The following FBXL13 variants were observed in gnomAD, a reference collection of about 807,000 sequenced individuals.
FBXL13 encodes the protein F-box and leucine-rich repeat protein 13.
Under a neutral mutation model 83.6 loss-of-function variants are expected in FBXL13, and 67 were observed. That is an observed-to-expected ratio of 0.80 (90% CI 0.66 to 0.98). FBXL13 has a LOEUF of 0.98. Ranked by LOEUF, FBXL13 falls within the 50% of genes least tolerant of loss-of-function variation. FBXL13 has a pLI of 0.00. For missense variants in FBXL13, 822 were observed against 866.5 expected (o/e 0.95, Z 0.64); for synonymous variants, 272 against 299.5 (o/e 0.91, Z 0.95).
intron 17 of FBXL13, among the ~76,000 whole-genome samples, chr7:102,845,709 G>A (rs1342401740): frequency 1.3e-5 from 2 of 152,100 alleles, no homozygotes; most frequent in Non-Finnish European, 2.9e-5. Flanking sequence ...TGTTCAGGTT[G>A]CTATCCTGTC....
chr7:103,014,609 T>A (rs1461951429), intron 6 of FBXL13, among the ~76,000 whole-genome samples: 1 of 151,996 alleles, frequency 6.6e-6, no homozygotes, highest in South Asian at 2.1e-4. Flanking sequence ...TGAATATGGA[T>A]GCAAAAATCC....
At chr7:102,975,441 G>A (rs1827302053) in intron 6 of FBXL13, among the ~76,000 whole-genome samples, 1 of 152,158 alleles carries the variant, frequency 6.6e-6, no homozygotes. Context: ...CTCCTGCTCA[G>A]CCTACTGGTG....
chr7:103,040,953 G>T (rs1228787959), intron 2 of FBXL13, among the ~76,000 whole-genome samples: 2 of 152,146 alleles, frequency 1.3e-5, no homozygotes, highest in Admixed American at 1.3e-4. Context: ...TCAAAAGCTA[G>T]CAGAAGGCAA....
intron 6 of FBXL13, among the ~76,000 whole-genome samples, chr7:103,014,902 C>T (rs1163271091): frequency 8.5e-5 from 10 of 117,100 alleles, no homozygotes; most frequent in South Asian, 2.8e-4. Context: ...CCAGCCTGGG[C>T]GACAGGGAGA....
At chr7:102,850,998 A>C (rs1324464783) in intron 17 of FBXL13, among the ~76,000 whole-genome samples, 3 of 152,202 alleles carry the variant, frequency 2.0e-5, no homozygotes, top group Non-Finnish European at 4.4e-5. Context: ...AAGCTGTCAA[A>C]CAACCATTCA....
chr7:103,009,426 A>G (rs1791350290), intron 6 of FBXL13, among the ~76,000 whole-genome samples: 1 of 152,224 alleles, frequency 6.6e-6, no homozygotes, highest in South Asian at 2.1e-4. Context: ...CCACTACATG[A>G]GAAAGGGGGA....
chr7:102,955,458 C>A (rs553410446), intron 8 of FBXL13, among the ~76,000 whole-genome samples: 106 of 151,618 alleles, frequency 7.0e-4, no homozygotes, highest in African/African-American at 2.4e-3. Context: ...AAATCGACAC[C>A]CTAACATCAC....
intron 1 of FBXL13, among the ~76,000 whole-genome samples, chr7:103,065,738 G>A (rs1308927089): frequency 2.0e-5 from 3 of 152,224 alleles, no homozygotes; most frequent in Admixed American, 6.5e-5. Context: ...AGAATGTGGA[G>A]TGTGGCTGAG....
chr7:103,015,539 G>A (rs911866174), intron 6 of FBXL13, among the ~76,000 whole-genome samples: 39 of 152,000 alleles, frequency 2.6e-4, no homozygotes, highest in Admixed American at 4.6e-4. Flanking sequence ...GGCTCATGGC[G>A]GTAATCCCAG....
At chr7:102,891,680 T>A (rs1219352322) in intron 11 of FBXL13, among the ~76,000 whole-genome samples, 1 of 152,156 alleles carries the variant, frequency 6.6e-6, no homozygotes, top group African/African-American at 2.4e-5. Context: ...AAAAATTAAT[T>A]TTCCAGTGTG....
intron 2 of FBXL13, 32 bp downstream of exon 3, chr7:103,055,056 A>G (rs1302457721): frequency 2.6e-6 from 3 of 1,160,262 alleles, no homozygotes; most frequent in Admixed American, 2.4e-5. Flanking sequence ...TTTAAAATAT[A>G]TATTTGCGTA....
chr7:102,866,098 C>T (rs1807605963), intron 16 of FBXL13, among the ~76,000 whole-genome samples: 4 of 152,140 alleles, frequency 2.6e-5, no homozygotes, highest in African/African-American at 9.7e-5. Flanking sequence ...GCTTTGATCA[C>T]CACACAGACA....
intron 11 of FBXL13, among the ~76,000 whole-genome samples, chr7:102,910,287 T>G (rs529361066): frequency 3.9e-5 from 6 of 152,294 alleles, no homozygotes; most frequent in African/African-American, 1.4e-4. Context: ...ATTGTTTCTA[T>G]CTCTTCAATG....
intron 6 of FBXL13, among the ~76,000 whole-genome samples, chr7:102,977,941 C>A (rs1827707103): frequency 6.6e-6 from 1 of 151,722 alleles, no homozygotes; most frequent in African/African-American, 2.4e-5. Flanking sequence ...ACACCGGGGC[C>A]TGTTGTGGGG....
chr7:103,071,600 G>A (rs1798967718), intron 1 of FBXL13, among the ~76,000 whole-genome samples: 1 of 131,780 alleles, frequency 7.6e-6, no homozygotes, highest in Non-Finnish European at 1.6e-5. Context: ...GTCTCACTAT[G>A]TTACCGAGGC....
chr7:102,928,784 TATA>T (rs1563105285), intron 9 of FBXL13, among the ~76,000 whole-genome samples: 2 of 152,218 alleles, frequency 1.3e-5, no homozygotes, highest in East Asian at 3.8e-4. Flanking sequence ...ACAACTTCAT[TATA>T]ATGACAGGCA....
At chr7:103,017,706 G>C (rs978489710) in intron 6 of FBXL13, among the ~76,000 whole-genome samples, 12 of 152,284 alleles carry the variant, frequency 7.9e-5, no homozygotes, top group South Asian at 2.1e-4. Flanking sequence ...ATTCCATCAA[G>C]TGGAAGAAAG....
chr7:103,009,155 G>C (rs945832286), intron 6 of FBXL13, among the ~76,000 whole-genome samples: 1 of 152,038 alleles, frequency 6.6e-6, no homozygotes, highest in African/African-American at 2.4e-5. Flanking sequence ...GTGTGATATG[G>C]CTTAGAAAAA....
chr7:102,976,450 C>T (rs956248809), intron 6 of FBXL13, among the ~76,000 whole-genome samples: 1 of 152,150 alleles, frequency 6.6e-6, no homozygotes, highest in African/African-American at 2.4e-5. Flanking sequence ...TCCAAGGCAT[C>T]CTTTCAAAAC....
Sources: allele counts gnomAD v4.1 joint callset (sites outside exome capture counted in the v4.1 genomes callset), GRCh38; gene constraint gnomAD v4.1.1; transcripts MANE v1.5; gene names NCBI Gene and HGNC (gene_info 2026-07-23, HGNC 2026-07-21).